The following SNTG1 variants were observed in gnomAD, a reference collection of about 807,000 sequenced individuals.
The protein encoded by SNTG1 is syntrophin gamma 1, also known as gamma-1-syntrophin.
In SNTG1, 39 loss-of-function variants were observed where a neutral mutation model predicts 74.7. That is an observed-to-expected ratio of 0.52 (90% CI 0.40 to 0.68). The LOEUF is 0.68. Among genes scored for constraint, SNTG1 ranks in the 30% least tolerant of loss-of-function variants. The probability of loss-of-function intolerance (pLI) is 0.00; values close to 1 mark genes in which losing one functional copy is unlikely to be tolerated. For missense variants in SNTG1, 685 were observed against 609.5 expected, an observed-to-expected ratio of 1.12 and a Z score of -1.30; for synonymous variants, 254 against 217.1, an observed-to-expected ratio of 1.17 and a Z score of -1.49.
intron 12 of SNTG1, among the ~76,000 whole-genome samples, chr8:50,560,194 G>A (rs1464105577): frequency 1.3e-5 from 2 of 152,194 alleles, no homozygotes; most frequent in Non-Finnish European, 2.9e-5. Context: ...AGTCAGAATG[G>A]TGATTATTAA....
At chr8:50,754,792 T>G (rs2131712191) in intron 18 of SNTG1, among the ~76,000 whole-genome samples, 1 of 152,070 alleles carries the variant, frequency 6.6e-6, no homozygotes, top group Non-Finnish European at 1.5e-5. Context: ...ATATAGGATT[T>G]AGTTCTATAA....
At chr8:49,983,219 G>C (rs558415610) in intron 1 of SNTG1, among the ~76,000 whole-genome samples, 20 of 152,124 alleles carry the variant, frequency 1.3e-4, no homozygotes, top group Non-Finnish European at 2.1e-4. Flanking sequence ...AACTGAAAAA[G>C]GAAAAACATT....
At chr8:50,029,287 G>A (rs997084459) in intron 1 of SNTG1, among the ~76,000 whole-genome samples, 3 of 152,042 alleles carry the variant, frequency 2.0e-5, no homozygotes, top group Non-Finnish European at 4.4e-5. Flanking sequence ...ATCTCAATGG[G>A]TAATAATCAC....
chr8:50,378,551 A>G (rs2092427671), intron 2 of SNTG1, among the ~76,000 whole-genome samples: 2 of 152,142 alleles, frequency 1.3e-5, no homozygotes, highest in Non-Finnish European at 2.9e-5. Flanking sequence ...TGAGCAAGAC[A>G]AAGAGGAGCT....
At chr8:50,679,940 T>C (rs2095324517) in intron 15 of SNTG1, among the ~76,000 whole-genome samples, 1 of 152,178 alleles carries the variant, frequency 6.6e-6, no homozygotes, top group African/African-American at 2.4e-5. Flanking sequence ...TGGTAGGTAA[T>C]ATGCAGAAAC....
intron 16 of SNTG1, among the ~76,000 whole-genome samples, chr8:50,705,918 G>A (rs2095441960): frequency 6.6e-6 from 1 of 152,202 alleles, no homozygotes; most frequent in South Asian, 2.1e-4. Context: ...CATAGAGCAA[G>A]GACCTAAATA....
chr8:50,757,853 T>G (rs896880006), intron 18 of SNTG1, among the ~76,000 whole-genome samples: 7 of 151,930 alleles, frequency 4.6e-5, no homozygotes, highest in Non-Finnish European at 1.0e-4. Context: ...TGTTTTACTT[T>G]TATTAGTGGT....
At chr8:50,248,024 C>A (rs1210333712) in intron 2 of SNTG1, among the ~76,000 whole-genome samples, 1 of 152,104 alleles carries the variant, frequency 6.6e-6, no homozygotes, top group Admixed American at 6.6e-5. Flanking sequence ...CCCTGTGTCT[C>A]TTCACATCTT....
chr8:50,476,809 T>C (rs2093699898), intron 8 of SNTG1, among the ~76,000 whole-genome samples: 1 of 150,990 alleles, frequency 6.6e-6, no homozygotes. Flanking sequence ...AATGGATGAT[T>C]CAAGGACTGG....
chr8:50,071,416 G>C (rs1318672617), intron 1 of SNTG1, among the ~76,000 whole-genome samples: 1 of 152,012 alleles, frequency 6.6e-6, no homozygotes, highest in Non-Finnish European at 1.5e-5. Context: ...GATATAACAA[G>C]ATTAAATATA....
rs536773438 is a variant in SNTG1, at chr8:50,769,210, A to T, written c.1395+17099A>T. The stretch of plus-strand genomic sequence containing the variant: ...TCGGTAGACTATAAAATTTGCATTA[A>T]CATCTTATAGATAAAACAAATATAT... On this transcript the variant is annotated intron_variant, in intron 18 of 18. Coordinates refer to ENST00000642720, the MANE Select transcript of SNTG1 (RefSeq NM_018967.5). Among the ~76,000 whole-genome samples, 221 of 152,006 alleles carry T rather than the reference A, an allele frequency of 1.5e-3. 1 individual carries two copies. The highest frequency in any genetic ancestry group is 5.0e-3 in the African/African-American group (207 of 41,528).
intron 1 of SNTG1, among the ~76,000 whole-genome samples, chr8:49,913,644 T>C (rs1250618272): frequency 6.6e-6 from 1 of 152,214 alleles, no homozygotes; most frequent in Non-Finnish European, 1.5e-5. Flanking sequence ...AAACATGTAT[T>C]ATTGATTTGG....
chr8:50,120,085 T>C (rs1290706692), intron 1 of SNTG1, among the ~76,000 whole-genome samples: 1 of 141,768 alleles, frequency 7.1e-6, no homozygotes, highest in African/African-American at 2.5e-5. Flanking sequence ...CTTGGACACA[T>C]TGCATAACAT....
At chr8:50,681,399 T>C (rs73569463) in intron 15 of SNTG1, among the ~76,000 whole-genome samples, 4,085 of 152,260 alleles carry the variant, frequency 0.027, 183 homozygotes, top group African/African-American at 0.093. Flanking sequence ...TCAATCATTT[T>C]CATAATCCAT....
At chr8:50,552,964 G>A in intron 11 of SNTG1, 86 bp from the exon 12 acceptor site, 1 of 1,496,580 alleles carries the variant, frequency 6.7e-7, no homozygotes, top group South Asian at 1.2e-5. Flanking sequence ...TTGTATGAAA[G>A]ATAAGCTTTT....
At chr8:50,303,128 T>TTAGTAGTAGTAGA (rs1249606676) in intron 2 of SNTG1, among the ~76,000 whole-genome samples, 1 of 152,222 alleles carries the variant, frequency 6.6e-6, no homozygotes, top group African/African-American at 2.4e-5. Flanking sequence ...TGAAAATCTG[T>TTAGTAGTAGTAGA]AAATACGTTA....
At chr8:50,009,140 C>A (rs1291130564) in intron 1 of SNTG1, among the ~76,000 whole-genome samples, 2 of 152,098 alleles carry the variant, frequency 1.3e-5, no homozygotes, top group Non-Finnish European at 2.9e-5. Flanking sequence ...ACCAGATTGT[C>A]ATTTCTGGAG....
chr8:50,788,678 A>G (rs181133964), intron 18 of SNTG1, among the ~76,000 whole-genome samples: 166 of 152,120 alleles, frequency 1.1e-3, no homozygotes, highest in African/African-American at 3.8e-3. Context: ...GCCTAAAATG[A>G]TATCTATAAG....
chr8:49,969,259 C>T (rs1811420177), intron 1 of SNTG1, among the ~76,000 whole-genome samples: 1 of 151,652 alleles, frequency 6.6e-6, no homozygotes, highest in African/African-American at 2.4e-5. Flanking sequence ...TTTAATAATT[C>T]AGAGAGAGGC....
Sources: allele counts gnomAD v4.1 joint callset (sites outside exome capture counted in the v4.1 genomes callset), GRCh38; gene constraint gnomAD v4.1.1; transcripts MANE v1.5; gene names NCBI Gene and HGNC (gene_info 2026-07-23, HGNC 2026-07-21).